The following IDI2 variants were observed in gnomAD, a reference collection of about 807,000 sequenced individuals.
The protein encoded by IDI2 is isopentenyl-diphosphate delta isomerase 2, also known as isopentenyl-diphosphate delta-isomerase 2.
A neutral mutation model predicts 14.8 loss-of-function variants in IDI2; 18 were observed. The ratio of observed to expected loss-of-function variants is 1.22; its 90% confidence interval spans 0.84 to 1.80. The LOEUF (loss-of-function observed/expected upper bound fraction) is 1.80. Ranked by LOEUF, IDI2 falls within the 40% of genes most tolerant of loss-of-function variation. The pLI is 0.00. For missense variants in IDI2, 316 were observed against 283.2 expected, an observed-to-expected ratio of 1.12 and a Z score of -0.83; for synonymous variants, 133 against 109.6, an observed-to-expected ratio of 1.21 and a Z score of -1.33.
intron 4 of IDI2, 69 bp from the exon 5 acceptor site, chr10:1,019,903 AAAAT>A: frequency 8.9e-7 from 1 of 1,119,250 alleles, no homozygotes; most frequent in Non-Finnish European, 1.3e-6. Flanking sequence ...AAAAATAGAG[AAAAT>A]AAACACATTT....
intron 3 of IDI2, among the ~76,000 whole-genome samples, chr10:1,021,724 T>C (rs1832105202): frequency 6.6e-6 from 1 of 152,190 alleles, no homozygotes; most frequent in Non-Finnish European, 1.5e-5. Flanking sequence ...TGCATTCAGC[T>C]CCATCAAGGA....
At chr10:1,024,778 G>C in intron 1 of IDI2, 34 bp from the exon 2 acceptor site, 1 of 1,606,444 alleles carries the variant, frequency 6.2e-7, no homozygotes, top group Non-Finnish European at 8.5e-7. Context: ...CTCTTTATGT[G>C]AAAGATATTG....
chr10:1,021,562 G>A (rs371083222), intron 3 of IDI2, among the ~76,000 whole-genome samples: 268 of 152,336 alleles, frequency 1.8e-3, no homozygotes, highest in African/African-American at 6.1e-3. Context: ...AAGTACAAGA[G>A]CTGGTACTCC....
rs1832046872 is a variant in IDI2 at position 1,019,345 on chromosome 10, G to A, written c.*172C>T. On this transcript the variant is annotated 3_prime_UTR_variant, in exon 5 of 5. Coordinates refer to ENST00000277517, the MANE Select transcript of IDI2 (RefSeq NM_033261.3). ...TGAGAAATATGGAAATAAGGAAAAGGGAAAATGAAGATATGACAAAGTTGA... is the reference window on the plus strand; with the variant it reads ...TGAGAAATATGGAAATAAGGAAAAGAGAAAATGAAGATATGACAAAGTTGA... 1.8e-6 allele frequency: 1 copy of A among 564,064 alleles called. No homozygotes were observed. The highest frequency in any genetic ancestry group is 3.1e-6 in the Non-Finnish European group (1 of 322,038). 34.9% of individuals were successfully genotyped at this position (564,064 alleles called of 1,614,324 possible).
chr10:1,025,010 C>CCACACACACACACACA (rs72086728), intron 1 of IDI2, among the ~76,000 whole-genome samples: 1,782 of 145,054 alleles, frequency 0.012, 22 homozygotes, highest in African/African-American at 0.019. Flanking sequence ...CCCCGCCCCA[C>CCACACACACACACACA]CACACACACA....
intron 4 of IDI2, 72 bp downstream of exon 4, chr10:1,020,695 A>T: frequency 2.3e-6 from 3 of 1,283,200 alleles, no homozygotes; most frequent in Non-Finnish European, 3.0e-6. Context: ...TCCAGCCTGG[A>T]CTTTGTTCAC....
chr10:1,024,115 C>T (rs147366712), intron 2 of IDI2, among the ~76,000 whole-genome samples: 81 of 152,312 alleles, frequency 5.3e-4, no homozygotes, highest in Middle Eastern at 6.8e-3. Context: ...ACCAGCCTAA[C>T]TGCACACAAC....
In IDI2 at chr10:1,019,612, G is replaced by A; in HGVS notation, c.589C>T (p.Leu197=). The change falls in exon 5 of 5, where the codon CTA becomes TTA. Residue 197 remains leucine (L), a synonymous_variant. Coordinates refer to ENST00000277517, the MANE Select transcript of IDI2 (RefSeq NM_033261.3). ...AGAAACCTCTCGGCAATGGTTCTTAGCCAGGGGGTGACTTTGACTTCACCC... is the reference window on the plus strand; with the variant it reads ...AGAAACCTCTCGGCAATGGTTCTTAACCAGGGGGTGACTTTGACTTCACCC... ...ARGEVKVTPW[L]RTIAERFLYR... 6.2e-7 allele frequency: 1 copy of A among 1,614,016 alleles called. No individual in the cohort carries two copies. The highest frequency in any genetic ancestry group is 8.5e-7 in the Non-Finnish European group (1 of 1,179,998).
At position 1,019,501 on chromosome 10, in the gene IDI2, T is replaced by C. The variant is rs764684598; in HGVS notation, c.*16A>G. On this transcript the variant is annotated 3_prime_UTR_variant, in exon 5 of 5. Coordinates refer to ENST00000277517, the MANE Select transcript of IDI2 (RefSeq NM_033261.3). The stretch of plus-strand genomic sequence containing the variant: ...ACTGAGGGCATTACACATGGCTGAC[T>C]CGACCTCCCTGCCTCTCACACTCTG... 3.1e-6 allele frequency: 5 copies of C among 1,600,020 alleles called. No individual in the cohort carries two copies. The highest frequency in any genetic ancestry group is 1.1e-5 in the South Asian group (1 of 89,346).
chr10:1,019,943 C>A, intron 4 of IDI2, 109 bp from the exon 5 acceptor site: 2 of 880,396 alleles, frequency 2.3e-6, no homozygotes, highest in East Asian at 2.5e-5. Flanking sequence ...TGAACACTTT[C>A]TTTGGTAATT....
chr10:1,024,225 A>G (rs1220269915), intron 2 of IDI2, among the ~76,000 whole-genome samples: 2 of 152,204 alleles, frequency 1.3e-5, no homozygotes, highest in Non-Finnish European at 2.9e-5. Context: ...GACCTGCTGA[A>G]GACAGGCCTG....
In IDI2 at chr10:1,019,714, G is replaced by C. The variant is rs756409644; in HGVS notation, c.487C>G (p.Pro163Ala). 2 of 1,613,906 alleles carry C rather than the reference G, an allele frequency of 1.2e-6. No homozygotes were observed. Among genetic ancestry groups the C allele is most frequent in the Non-Finnish European group, 1.7e-6 (2 of 1,180,002 alleles). Residue 163 changes from proline (P) to alanine (A), a missense_variant, in exon 5 of 5, where the codon CCG becomes GCG. By Grantham distance (27) the Pro-to-Ala change is conservative. Transcript: ENST00000277517. ...ATGCTTTTCGTTTCACTGGGATCCG[G>C]GTTCAGAGTGACGTTTTTCCTCACA... ...LLVRKNVTLNPDPSETKSILY... is the reference protein window; with the variant it reads ...LLVRKNVTLNADPSETKSILY...
rs767884934 is a variant in IDI2 at position 1,019,752 on chromosome 10, C to A, written c.449G>T (p.Cys150Phe). The change falls in exon 5 of 5, where the codon TGT becomes TTT. Residue 150 changes from cysteine (C) to phenylalanine (F), a missense_variant. Transcript: ENST00000277517. ...GTTTTTCCTCACAAGCAGAAGGTAA[C>A]AAATTTCATGCTCTCCCCAAATTCT... ...SDRIWGEHEI[C>F]YLLLVRKNVT... 1.8e-5 allele frequency: 29 copies of A among 1,613,998 alleles called. No homozygotes were observed. Among genetic ancestry groups the A allele is most frequent in the Non-Finnish European group, 2.5e-5 (29 of 1,180,008 alleles).
intron 1 of IDI2, 134 bp from the exon 2 acceptor site, chr10:1,024,878 A>G: frequency 1.3e-6 from 1 of 795,626 alleles, no homozygotes. Flanking sequence ...GAAGCAGCAC[A>G]GTTCTGAGAT....
rs750260777 is a variant in IDI2, at chr10:1,019,659, T to TC, written c.541dup (p.Glu181GlyfsTer10). 1.2e-5 allele frequency: 20 copies of TC among 1,613,918 alleles called. No homozygotes were observed. The South Asian group carries it at 2.2e-4, about 18-fold the overall frequency. On this transcript the variant is annotated frameshift_variant, in exon 5 of 5. Coordinates refer to ENST00000277517, the MANE Select transcript of IDI2 (RefSeq NM_033261.3). LOFTEE classifies it low-confidence loss of function (END_TRUNC). The stretch of plus-strand genomic sequence containing the variant: ...ACCCCTCGCCTCCCTCTCCAGCAGC[T>TC]CCCACAGCTCCTCCTGGGACAGGTA...
rs1832056359 is a variant in IDI2, at chr10:1,019,702, C to G, written c.499G>C (p.Glu167Gln). The G allele has an allele frequency of 5.0e-6, 8 of 1,614,040 alleles. No individual in the cohort carries two copies. The highest frequency in any genetic ancestry group is 4.4e-5 in the South Asian group (4 of 91,082). ...GACAGGTAGAGGATGCTTTTCGTTT[C>G]ACTGGGATCCGGGTTCAGAGTGACG... Reference protein sequence around the residue: ...KNVTLNPDPSETKSILYLSQE... With the variant: ...KNVTLNPDPSQTKSILYLSQE... Residue 167 changes from glutamate (E) to glutamine (Q), a missense_variant, in exon 5 of 5, where the codon GAA becomes CAA. By Grantham distance (29) the Glu-to-Gln change is conservative. Transcript: ENST00000277517.
intron 1 of IDI2, 127 bp from the exon 2 acceptor site, chr10:1,024,871 G>A: frequency 2.4e-6 from 2 of 841,754 alleles, no homozygotes; most frequent in Non-Finnish European, 3.8e-6. Context: ...TTGTGTTGAA[G>A]CAGCACAGTT....
At chr10:1,024,036 G>A (rs1832166830) in intron 2 of IDI2, among the ~76,000 whole-genome samples, 1 of 152,196 alleles carries the variant, frequency 6.6e-6, no homozygotes, top group Admixed American at 6.5e-5. Flanking sequence ...GAGCTGGACA[G>A]GAGTTAAAGC....
Position 1,022,665 on chromosome 10 carries a change from T to C in IDI2, c.235+18A>G. ...TGAGATGCTCTCTTCAGTCCGGGGC[T>C]TGGTTGAACGGACTCACCAGGAAAC... is the stretch of plus-strand genomic sequence containing the variant. On this transcript the variant is annotated intron_variant, in intron 3 of 4. Coordinates refer to ENST00000277517, the MANE Select transcript of IDI2 (RefSeq NM_033261.3). 6.3e-7 allele frequency: 1 copy of C among 1,580,098 alleles called. No individual in the cohort carries two copies. Among genetic ancestry groups the C allele is most frequent in the Non-Finnish European group, 8.7e-7 (1 of 1,149,094 alleles).
Sources: gnomAD v4.1 joint callset for allele counts (sites outside exome capture counted in the v4.1 genomes callset) on GRCh38, gnomAD v4.1.1 for gene constraint, MANE v1.5 for transcripts, NCBI Gene and HGNC (gene_info 2026-07-23, HGNC 2026-07-21) for gene names.